Variants in MPP7 observed in about 807,000 individuals in gnomAD.
The protein encoded by MPP7 is MAGUK p55 subfamily member 7.
MPP7 carries 60 observed loss-of-function variants against 76.5 expected under a neutral mutation model. The observed-to-expected ratio is 0.78, with a 90% CI of 0.64 to 0.97. The LOEUF is 0.97. MPP7 is among the 50% of genes least tolerant of loss of function. The probability of loss-of-function intolerance (pLI) is 0.00; values close to 1 mark genes in which losing one functional copy is unlikely to be tolerated. For synonymous variants in MPP7, 237 were observed against 244.5 expected, an observed-to-expected ratio of 0.97 and a Z score of 0.29; for missense variants, 641 against 694.0, an observed-to-expected ratio of 0.92 and a Z score of 0.86.
chr10:28,293,087 C>T (rs917968587), intron 1 of MPP7, among the ~76,000 whole-genome samples: 40 of 147,734 alleles, frequency 2.7e-4, no homozygotes, highest in African/African-American at 1.0e-3. Context: ...ATTAAAGATT[C>T]CGTTTAATGA....
chr10:28,243,800 G>T lies in MPP7; in HGVS notation c.-131-5065C>A, dbSNP rs1839347884. Among the ~76,000 whole-genome samples, 3 of 152,280 alleles carry T rather than the reference G, an allele frequency of 2.0e-5. No homozygotes were observed. The South Asian group carries it at 6.2e-4, about 32-fold the overall frequency. On this transcript the variant is annotated intron_variant, in intron 1 of 16. Coordinates refer to ENST00000683449, the MANE Select transcript of MPP7 (RefSeq NM_001318170.2). Reference sequence around the variant, plus strand: ...ATATAAAGGTCTCCTGTTGAGCCAGGAATTAAAGAAATTTGCAATTCACTC... The same window carrying T: ...ATATAAAGGTCTCCTGTTGAGCCAGTAATTAAAGAAATTTGCAATTCACTC...
chr10:28,065,549 C>T (rs927094165), intron 13 of MPP7, among the ~76,000 whole-genome samples: 4 of 152,204 alleles, frequency 2.6e-5, no homozygotes, highest in African/African-American at 9.6e-5. Context: ...ATATTACCCA[C>T]AAGGCAGGCA....
At chr10:28,204,520 G>A (rs891038916) in intron 2 of MPP7, among the ~76,000 whole-genome samples, 4 of 150,816 alleles carry the variant, frequency 2.7e-5, no homozygotes, top group Admixed American at 1.3e-4. Context: ...CATATAAAAT[G>A]TGAAATCTGA....
intron 2 of MPP7, among the ~76,000 whole-genome samples, chr10:28,228,221 G>A (rs1189268251): frequency 6.6e-6 from 1 of 151,934 alleles, no homozygotes; most frequent in Non-Finnish European, 1.5e-5. Context: ...TTTTTTATAC[G>A]AAAGATGAGA....
intron 3 of MPP7, among the ~76,000 whole-genome samples, chr10:28,173,966 G>A (rs956230397): frequency 2.0e-5 from 3 of 152,074 alleles, no homozygotes; most frequent in Non-Finnish European, 2.9e-5. Context: ...CTGACATAGC[G>A]ACAGAACAAC....
chr10:28,166,539 C>T (rs1836468318), intron 3 of MPP7, among the ~76,000 whole-genome samples: 1 of 151,424 alleles, frequency 6.6e-6, no homozygotes, highest in Non-Finnish European at 1.5e-5. Context: ...TGCCAAGTAG[C>T]TGGGATTACA....
rs1443011805 is a variant in MPP7 at position 28,120,298 on chromosome 10, AAT to A, written c.781_782del (p.Ile261SerfsTer8). On this transcript the variant is annotated frameshift_variant, in exon 10 of 17. Transcript: ENST00000683449. LOFTEE classifies it high-confidence loss of function. ...EAGLSFKKGD[I>X]LQIMSQDDAT... ...CATCATCTTGGCTCATAATCTGAAG[AAT>A]ATCTCCCTTTTTGAAAGAAAGCCCA... 7 of 1,613,928 alleles carry A rather than the reference AAT, an allele frequency of 4.3e-6. No individual in the cohort carries two copies. The highest frequency in any genetic ancestry group is 5.9e-6 in the Non-Finnish European group (7 of 1,179,974).
chr10:28,218,799 A>C (rs1448863090), intron 2 of MPP7, among the ~76,000 whole-genome samples: 2 of 152,360 alleles, frequency 1.3e-5, no homozygotes, highest in South Asian at 4.1e-4. Flanking sequence ...AAAATAAAAC[A>C]AACATGTAAC....
At chr10:28,194,284 G>A (rs1178183459) in intron 3 of MPP7, among the ~76,000 whole-genome samples, 1 of 152,178 alleles carries the variant, frequency 6.6e-6, no homozygotes, top group Non-Finnish European at 1.5e-5. Context: ...AAAGTGCTGG[G>A]ATTACAGGCA....
rs1564606469 is a variant in MPP7, at chr10:28,054,015, A to G, written c.*50T>C. The G allele has an allele frequency of 7.2e-7, 1 of 1,387,036 alleles. No individual in the cohort carries two copies. The highest frequency in any genetic ancestry group is 1.0e-6 in the Non-Finnish European group (1 of 989,388). 85.9% of individuals were successfully genotyped at this position (1,387,036 alleles called of 1,614,324 possible). ...AACCCTACTACCAAAACTGTAATTG[A>G]TTTCATCATGCACTCTATAGAAAAA... On this transcript the variant is annotated 3_prime_UTR_variant, in exon 17 of 17. Transcript: ENST00000683449.
At chr10:28,150,097 G>T in intron 3 of MPP7, 38 bp from the exon 4 acceptor site, 1 of 1,428,884 alleles carries the variant, frequency 7.0e-7, no homozygotes. Context: ...TCACCTGCTA[G>T]CAAACAATCT....
intron 3 of MPP7, among the ~76,000 whole-genome samples, chr10:28,189,989 G>T (rs1331951554): frequency 1.3e-5 from 2 of 151,992 alleles, no homozygotes; most frequent in African/African-American, 2.4e-5. Flanking sequence ...AGTAGAGAAA[G>T]ATACACTAAC....
At chr10:28,082,617 T>C (rs1163849912) in intron 12 of MPP7, among the ~76,000 whole-genome samples, 1 of 152,100 alleles carries the variant, frequency 6.6e-6, no homozygotes, top group Non-Finnish European at 1.5e-5. Flanking sequence ...CCACCTTGCC[T>C]GGCTAATTTT....
Position 28,169,633 on chromosome 10 carries a change from G to A in MPP7, c.157-19574C>T, listed in dbSNP as rs542403553. The stretch of plus-strand genomic sequence containing the variant: ...CCTCAGTAAAGTGTCATAATTTCCT[G>A]CATGTAAGCCTTGAACATTTTTTGT... On this transcript the variant is annotated intron_variant, in intron 3 of 16. Coordinates refer to ENST00000683449, the MANE Select transcript of MPP7 (RefSeq NM_001318170.2). Among the ~76,000 whole-genome samples, 11 of 152,290 alleles carry A rather than the reference G, an allele frequency of 7.2e-5. No homozygotes were observed. In the East Asian group the frequency reaches 2.1e-3, roughly 29 times the overall value.
chr10:28,225,095 C>T (rs534299250), intron 2 of MPP7, among the ~76,000 whole-genome samples: 21 of 152,256 alleles, frequency 1.4e-4, no homozygotes, highest in Non-Finnish European at 2.1e-4. Context: ...AAACTACATA[C>T]AGTGCTGGGA....
At chr10:28,305,309 A>G (rs1226823979), upstream of MPP7, 1 of 152,184 alleles carries the variant, frequency 6.6e-6, no homozygotes, top group African/African-American at 2.4e-5. Flanking sequence ...GGCAATGGTA[A>G]CTTTGTATTT....
At chr10:28,218,680 A>T (rs1454262280) in intron 2 of MPP7, among the ~76,000 whole-genome samples, 1 of 152,202 alleles carries the variant, frequency 6.6e-6, no homozygotes, top group Non-Finnish European at 1.5e-5. Flanking sequence ...GGAACCAAAA[A>T]AAGAAAATCA....
At chr10:28,128,025 G>A (rs1835074590) in intron 6 of MPP7, among the ~76,000 whole-genome samples, 1 of 152,186 alleles carries the variant, frequency 6.6e-6, no homozygotes, top group Non-Finnish European at 1.5e-5. Flanking sequence ...AGTAGCAGAG[G>A]AGCGGCAAGA....
chr10:28,121,804 C>T (rs79207143), intron 8 of MPP7, among the ~76,000 whole-genome samples: 4,301 of 146,984 alleles, frequency 0.029, 199 homozygotes, highest in African/African-American at 0.097. Context: ...ACCAGGACTC[C>T]ATTTATTTAA....
Sources: allele counts gnomAD v4.1 joint callset (sites outside exome capture counted in the v4.1 genomes callset), GRCh38; gene constraint gnomAD v4.1.1; transcripts MANE v1.5; gene names NCBI Gene and HGNC (gene_info 2026-07-23, HGNC 2026-07-21).